ARHGAP10: variants seen among roughly 807,000 people sequenced by gnomAD.
ARHGAP10 encodes the protein Rho GTPase activating protein 10, also known as rho GTPase-activating protein 10.
ARHGAP10 carries 87 observed loss-of-function variants against 108.6 expected under a neutral mutation model. The ratio of observed to expected loss-of-function variants is 0.80; its 90% CI spans 0.67 to 0.96. The LOEUF (loss-of-function observed/expected upper bound fraction) is 0.96, where lower values mean the gene tolerates loss of function less well. Ranked by LOEUF, ARHGAP10 falls within the 40% of genes least tolerant of loss-of-function variation. The pLI, the probability that ARHGAP10 is intolerant of heterozygous loss-of-function variation, is 0.00. For missense variants in ARHGAP10, 939 were observed against 954.5 expected, an observed-to-expected ratio of 0.98 and a Z score of 0.21; for synonymous variants, 347 against 341.1, an observed-to-expected ratio of 1.02 and a Z score of -0.19.
chr4:147,905,359 G>C (rs1426198772), intron 10 of ARHGAP10, among the ~76,000 whole-genome samples: 1 of 145,862 alleles, frequency 6.9e-6, no homozygotes, highest in Admixed American at 6.9e-5. Context: ...GGTTTTTATG[G>C]TTTTAGGTCT....
In ARHGAP10 at chr4:147,986,188, A is replaced by G. The variant is rs1433920996; in HGVS notation, c.1716+19349A>G. Among the ~76,000 whole-genome samples, 4 of 152,310 alleles carry G rather than the reference A, an allele frequency of 2.6e-5. No homozygotes were observed. In the East Asian group the frequency reaches 7.7e-4, roughly 29 times the overall value. The stretch of plus-strand genomic sequence containing the variant: ...CATTATCAGTTTCCTCATCTATGAA[A>G]TAAGAAAAACGGAACTACCTCCCTG... On this transcript the variant is annotated intron_variant, in intron 18 of 22. Transcript: ENST00000336498.
At chr4:147,778,295 G>A (rs1001968946) in intron 1 of ARHGAP10, among the ~76,000 whole-genome samples, 1 of 152,026 alleles carries the variant, frequency 6.6e-6, no homozygotes, top group East Asian at 1.9e-4. Flanking sequence ...CTCATATCAC[G>A]TGGCCTAGTG....
intron 1 of ARHGAP10, among the ~76,000 whole-genome samples, chr4:147,739,885 G>GCA (rs1433554954): frequency 6.7e-6 from 1 of 150,126 alleles, no homozygotes; most frequent in Non-Finnish European, 1.5e-5. Context: ...ACAGGCGCCT[G>GCA]CCACCACACC....
At chr4:147,957,086 C>T (rs1738813706) in intron 16 of ARHGAP10, among the ~76,000 whole-genome samples, 1 of 152,110 alleles carries the variant, frequency 6.6e-6, no homozygotes, top group Admixed American at 6.6e-5. Flanking sequence ...TGTTTTGCTT[C>T]CTGACTTTGT....
At chr4:147,884,814 C>G (rs1735476677) in intron 10 of ARHGAP10, among the ~76,000 whole-genome samples, 1 of 152,182 alleles carries the variant, frequency 6.6e-6, no homozygotes, top group Non-Finnish European at 1.5e-5. Context: ...GGAGAAGAGG[C>G]TTGAGATGGG....
chr4:147,741,812 A>G (rs1377024727), intron 1 of ARHGAP10, among the ~76,000 whole-genome samples: 5 of 147,704 alleles, frequency 3.4e-5, no homozygotes, highest in Admixed American at 6.7e-5. Flanking sequence ...ACACACACAC[A>G]CACACACACA....
intron 1 of ARHGAP10, among the ~76,000 whole-genome samples, chr4:147,747,818 G>T (rs1728997468): frequency 1.3e-5 from 2 of 152,172 alleles, no homozygotes; most frequent in African/African-American, 4.8e-5. Context: ...ATTTTGGCTT[G>T]TGGGTGAAGA....
At position 147,897,691 on chromosome 4, in the gene ARHGAP10, A is replaced by G. The variant is rs931456395; in HGVS notation, c.1035-8947A>G. Reference sequence around the variant, plus strand: ...TACTATATATTCTAATTCTACATACACTATGAATGTGGGAATTACATAGCA... The same window carrying G: ...TACTATATATTCTAATTCTACATACGCTATGAATGTGGGAATTACATAGCA... On this transcript the variant is annotated intron_variant, in intron 10 of 22. Transcript: ENST00000336498. 5.9e-5 allele frequency among the ~76,000 whole-genome samples: 9 copies of G among 152,276 alleles called. No individual in the cohort carries two copies. In the South Asian group the frequency reaches 1.4e-3, roughly 25 times the overall value.
intron 1 of ARHGAP10, among the ~76,000 whole-genome samples, chr4:147,748,034 A>G (rs984406042): frequency 6.6e-6 from 1 of 152,184 alleles, no homozygotes; most frequent in Non-Finnish European, 1.5e-5. Flanking sequence ...CTCCCCTACA[A>G]TGAAGAATGA....
At chr4:147,774,068 T>C (rs766799432) in intron 1 of ARHGAP10, among the ~76,000 whole-genome samples, 18 of 152,124 alleles carry the variant, frequency 1.2e-4, no homozygotes, top group Non-Finnish European at 2.2e-4. Context: ...AGCTGTAAAA[T>C]GGGATAATAA....
rs1264010356 is a variant in ARHGAP10 at position 147,784,775 on chromosome 4, T to TA, written c.155-37950dup. Reference sequence around the variant, plus strand: ...TATTATAAAATGTATATTATAAATATAATATATTATAAAATATATATTATA... The same window carrying TA: ...TATTATAAAATGTATATTATAAATATAAATATATTATAAAATATATATTATA... On this transcript the variant is annotated intron_variant, in intron 1 of 22. Coordinates refer to ENST00000336498, the MANE Select transcript of ARHGAP10 (RefSeq NM_024605.4). 1.7e-3 allele frequency among the ~76,000 whole-genome samples: 49 copies of TA among 29,464 alleles called. 12 individuals are homozygous for TA. Among genetic ancestry groups the TA allele is most frequent in the African/African-American group, 5.0e-3 (49 of 9,806 alleles). The allele number at this position is 29,464 out of a possible 152,430, so 19.3% of individuals were successfully genotyped here.
At chr4:147,892,381 C>T (rs754307283) in intron 10 of ARHGAP10, among the ~76,000 whole-genome samples, 19 of 152,160 alleles carry the variant, frequency 1.2e-4, no homozygotes, top group Non-Finnish European at 2.4e-4. Context: ...ATTAACTGTA[C>T]TAATATTTGT....
intron 18 of ARHGAP10, among the ~76,000 whole-genome samples, chr4:147,998,638 CT>C (rs1740571693): frequency 6.6e-6 from 1 of 152,172 alleles, no homozygotes; most frequent in Non-Finnish European, 1.5e-5. Context: ...GTTTTCATCC[CT>C]GAAAGGGGAT....
intron 3 of ARHGAP10, among the ~76,000 whole-genome samples, chr4:147,837,214 A>T (rs1021640145): frequency 1.3e-5 from 2 of 152,142 alleles, no homozygotes; most frequent in African/African-American, 4.8e-5. Context: ...CCAAAGGGTG[A>T]GTGTGGAGGG....
At chr4:147,766,747 C>G in intron 1 of ARHGAP10, among the ~76,000 whole-genome samples, 1 of 142,466 alleles carries the variant, frequency 7.0e-6, no homozygotes, top group East Asian at 2.0e-4. Context: ...ATATACGTAA[C>G]TATATTCATG....
chr4:147,773,420 T>A (rs1560750091), intron 1 of ARHGAP10, among the ~76,000 whole-genome samples: 1 of 152,154 alleles, frequency 6.6e-6, no homozygotes, highest in Admixed American at 6.5e-5. Context: ...AATGTTACCC[T>A]CCATAGCAAA....
rs529857616 is a variant in ARHGAP10, at chr4:148,060,993, G to A, written c.2028-2155G>A. ...TGCGGGACAGGCAGGCTTTTCTGTT[G>A]CGTATCTGTCATTACAGTGGTTCTT... On this transcript the variant is annotated intron_variant, in intron 20 of 22. Transcript: ENST00000336498. Among the ~76,000 whole-genome samples the A allele has an allele frequency of 7.9e-5, 12 of 152,212 alleles. No homozygotes were observed. The East Asian group carries it at 1.5e-3, about 20-fold the overall frequency.
At chr4:148,049,561 T>C (rs1729032642) in intron 20 of ARHGAP10, among the ~76,000 whole-genome samples, 1 of 152,128 alleles carries the variant, frequency 6.6e-6, no homozygotes, top group African/African-American at 2.4e-5. Flanking sequence ...CTTAACGGTC[T>C]AATTTAATCT....
At chr4:148,024,844 T>A (rs1204110848) in intron 19 of ARHGAP10, among the ~76,000 whole-genome samples, 5 of 152,076 alleles carry the variant, frequency 3.3e-5, no homozygotes, top group African/African-American at 4.8e-5. Flanking sequence ...CTGATGGAAG[T>A]GTTAATAAAT....
Sources: allele counts gnomAD v4.1 joint callset (sites outside exome capture counted in the v4.1 genomes callset), GRCh38; gene constraint gnomAD v4.1.1; transcripts MANE v1.5; gene names NCBI Gene and HGNC (gene_info 2026-07-23, HGNC 2026-07-21).